Variants in TMC7 observed in about 807,000 individuals in gnomAD.
TMC7 encodes transmembrane channel like 7.
In TMC7, 54 loss-of-function variants were observed where a neutral mutation model predicts 82.9. The ratio of observed to expected loss-of-function variants is 0.65; its 90% CI spans 0.52 to 0.82. The LOEUF (loss-of-function observed/expected upper bound fraction) is 0.82, where lower values mean the gene tolerates loss of function less well. TMC7 is among the 40% of genes least tolerant of loss of function. The pLI, the probability that TMC7 is intolerant of heterozygous loss-of-function variation, is 0.00. For synonymous variants in TMC7, 350 were observed against 337.9 expected (o/e 1.04, Z -0.39); for missense variants, 820 against 901.2 (o/e 0.91, Z 1.15).
At chr16:19,023,230 C>A in intron 5 of TMC7, 35 bp downstream of exon 5, 1 of 1,368,536 alleles carries the variant, frequency 7.3e-7, no homozygotes, top group South Asian at 1.2e-5. Flanking sequence ...TTTAGCTCCT[C>A]AATCTACTAA....
chr16:18,990,456 G>T (rs551874323), intron 1 of TMC7, among the ~76,000 whole-genome samples: 4 of 152,066 alleles, frequency 2.6e-5, no homozygotes, highest in African/African-American at 9.7e-5. Context: ...CACCATGCCC[G>T]GCTAATTTTT....
chr16:19,008,955 A>G (rs1444983706), intron 1 of TMC7, among the ~76,000 whole-genome samples: 1 of 152,182 alleles, frequency 6.6e-6, no homozygotes. Context: ...AATTTAAAGC[A>G]TGTCTGCAAA....
intron 1 of TMC7, among the ~76,000 whole-genome samples, chr16:18,995,822 G>A (rs1031907243): frequency 1.3e-5 from 2 of 152,270 alleles, no homozygotes; most frequent in African/African-American, 4.8e-5. Context: ...TCTAATTTTT[G>A]GAGCTTTTTC....
intron 5 of TMC7, among the ~76,000 whole-genome samples, chr16:19,026,385 G>T (rs1368186384): frequency 6.6e-6 from 1 of 151,474 alleles, no homozygotes; most frequent in Non-Finnish European, 1.5e-5. Flanking sequence ...GCTGAGGCAG[G>T]AGAATGGCGT....
At chr16:19,016,355 G>C in intron 2 of TMC7, 95 bp from the exon 3 acceptor site, 1 of 1,484,228 alleles carries the variant, frequency 6.7e-7, no homozygotes, top group South Asian at 1.2e-5. Context: ...CTCCCAGAGT[G>C]CTGGGATTAC....
chr16:19,021,230 C>T (rs1959958860), intron 3 of TMC7, among the ~76,000 whole-genome samples: 1 of 152,182 alleles, frequency 6.6e-6, no homozygotes, highest in South Asian at 2.1e-4. Flanking sequence ...GTAATTAAGA[C>T]AGTCTAGCAT....
At chr16:19,054,612 G>A (rs113269063) in intron 13 of TMC7, among the ~76,000 whole-genome samples, 20,006 of 151,552 alleles carry the variant, frequency 0.13, 1,404 homozygotes, top group South Asian at 0.18. Flanking sequence ...CTATTCCGGA[G>A]GCTGAGGCAC....
chr16:19,014,748 G>A (rs1959589408), intron 2 of TMC7, among the ~76,000 whole-genome samples: 1 of 152,148 alleles, frequency 6.6e-6, no homozygotes. Context: ...ACGTCAGCCT[G>A]TTTGCCTTCC....
intron 1 of TMC7, 64 bp downstream of exon 1, chr16:18,984,194 C>T: frequency 1.1e-5 from 16 of 1,423,836 alleles, no homozygotes; most frequent in Non-Finnish European, 1.5e-5. Context: ...ACGGAGGGAG[C>T]CGGGTGCTGG....
chr16:19,030,330 T>C lies in TMC7; in HGVS notation c.818T>C (p.Ile273Thr), dbSNP rs1398917948. 6.2e-7 allele frequency: 1 copy of C among 1,613,628 alleles called. No homozygotes were observed. The highest frequency in any genetic ancestry group is 8.5e-7 in the Non-Finnish European group (1 of 1,179,888). ...CCCCTGGCGTATTTGTTAAGCACAA[T>C]CGCCTCCCTGGCCCTGAGCCTTCTT... ...DLPLAYLLST[I>T]ASLALSLLWI... Residue 273 changes from isoleucine to threonine, a missense_variant, in exon 6 of 16, where the codon ATC (isoleucine) becomes ACC (threonine). Around this residue, in one of 2 missense-constraint regions of TMC7, gnomAD observed 650 missense variants for 669.9 expected, o/e 0.97. Transcript: ENST00000304381.
intron 1 of TMC7, among the ~76,000 whole-genome samples, chr16:18,992,280 A>G (rs1239902474): frequency 6.6e-6 from 1 of 152,114 alleles, no homozygotes; most frequent in Non-Finnish European, 1.5e-5. Flanking sequence ...CTTTTTAATG[A>G]TGGCCATTCT....
intron 1 of TMC7, among the ~76,000 whole-genome samples, chr16:18,993,713 A>G (rs920720091): frequency 6.6e-6 from 1 of 152,206 alleles, no homozygotes; most frequent in African/African-American, 2.4e-5. Context: ...GGACCCTTGC[A>G]TAGTGAGGAC....
intron 13 of TMC7, 58 bp from the exon 14 acceptor site, chr16:19,056,484 G>C (rs548252536): frequency 3.8e-6 from 6 of 1,564,800 alleles, no homozygotes; most frequent in South Asian, 1.2e-5. Context: ...GTACAGGGGC[G>C]GGACACTCAA....
At position 19,044,741 on chromosome 16, in the gene TMC7, C is replaced by T. The variant is rs1961181709; in HGVS notation, c.1338-143C>T. On this transcript the variant is annotated intron_variant, in intron 9 of 15. Coordinates refer to ENST00000304381, the MANE Select transcript of TMC7 (RefSeq NM_024847.4). ...TGAGATCACACCACTGCTCTCCAGC[C>T]TGGGCAACAGAGCAAACACTCCATC... 2.3e-5 allele frequency: 14 copies of T among 596,394 alleles called. No individual in the cohort carries two copies. In the South Asian group the frequency reaches 3.0e-4, roughly 13 times the overall value. The allele number at this position is 596,394 out of a possible 1,614,324, so 36.9% of individuals were successfully genotyped here.
intron 13 of TMC7, among the ~76,000 whole-genome samples, chr16:19,052,901 C>G (rs902359639): frequency 1.2e-4 from 18 of 152,072 alleles, no homozygotes; most frequent in Admixed American, 1.2e-3. Context: ...TTAGTAGAGA[C>G]AGGGTATCGC....
Position 19,040,423 on chromosome 16 carries a change from T to C in TMC7, c.1314T>C (p.Phe438=). Residue 438 remains phenylalanine (F), a synonymous_variant, in exon 9 of 16, where the codon TTT becomes TTC. Coordinates refer to ENST00000304381, the MANE Select transcript of TMC7 (RefSeq NM_024847.4). The part of the protein sequence containing the change: ...IIRYEDYSPG[F]EIRLTILRCV... ...GCTATGAGGATTATTCTCCAGGCTTTGAGATCCGTCTGACAATCCTTAGGT... is the reference window on the plus strand; with the variant it reads ...GCTATGAGGATTATTCTCCAGGCTTCGAGATCCGTCTGACAATCCTTAGGT... 1 of 1,612,590 alleles carries C rather than the reference T, an allele frequency of 6.2e-7. No homozygotes were observed.
At chr16:19,056,719 C>A (rs747327263) in intron 14 of TMC7, 22 bp downstream of exon 14, 1 of 1,609,856 alleles carries the variant, frequency 6.2e-7, no homozygotes, top group Non-Finnish European at 8.5e-7. Context: ...CCACCAGGAC[C>A]CACTGAGGCA....
At chr16:19,019,488 A>C (rs1017782578) in intron 3 of TMC7, among the ~76,000 whole-genome samples, 6 of 152,218 alleles carry the variant, frequency 3.9e-5, no homozygotes, top group Non-Finnish European at 1.5e-5. Flanking sequence ...CATTTACTAT[A>C]AACCAGGCAT....
At chr16:19,039,839 G>T (rs1960926882) in intron 8 of TMC7, among the ~76,000 whole-genome samples, 1 of 152,026 alleles carries the variant, frequency 6.6e-6, no homozygotes, top group Admixed American at 6.6e-5. Context: ...ATGGCGGCCG[G>T]GCGAGGTGGC....
Sources: gnomAD v4.1 joint callset for allele counts (sites outside exome capture counted in the v4.1 genomes callset) on GRCh38, gnomAD v4.1.1 for gene constraint, gnomAD v4.1.1 regional missense constraint, MANE v1.5 for transcripts, NCBI Gene and HGNC (gene_info 2026-07-23, HGNC 2026-07-21) for gene names.